ETV5: variants seen among roughly 807,000 people sequenced by gnomAD.
ETV5 encodes ETS variant transcription factor 5, also known as ETS translocation variant 5.
A neutral mutation model predicts 70.0 loss-of-function variants in ETV5; 10 were observed. The observed-to-expected ratio is 0.14, with a 90% CI of 0.09 to 0.24. The LOEUF (loss-of-function observed/expected upper bound fraction) is 0.24. Among genes scored for constraint, ETV5 ranks in the 10% least tolerant of loss-of-function variants. The pLI, the probability that ETV5 is intolerant of heterozygous loss-of-function variation, is 1.00. For synonymous variants in ETV5, 216 were observed against 242.2 expected, an observed-to-expected ratio of 0.89 and a Z score of 1.01; for missense variants, 453 against 651.2, an observed-to-expected ratio of 0.70 and a Z score of 3.31.
chr3:186,106,616 C>T (rs1560058474), intron 1 of ETV5, among the ~76,000 whole-genome samples: 1 of 152,140 alleles, frequency 6.6e-6, no homozygotes, highest in Non-Finnish European at 1.5e-5. Flanking sequence ...AGTAAAATGT[C>T]TATGAAAAGT....
Position 186,057,877 on chromosome 3 carries a change from G to A in ETV5, c.971-386C>T, listed in dbSNP as rs1488927346. Among the ~76,000 whole-genome samples the A allele has an allele frequency of 1.3e-5, 2 of 152,146 alleles. No individual in the cohort carries two copies. Among genetic ancestry groups the A allele is most frequent in the East Asian group, 1.9e-4 (1 of 5,192 alleles). Reference sequence around the variant, plus strand: ...GATGGATTTGGTTGATCTGTACACAGACCTGCCATTTTCCTTTTAGCTAAA... The same window carrying A: ...GATGGATTTGGTTGATCTGTACACAAACCTGCCATTTTCCTTTTAGCTAAA... On this transcript the variant is annotated intron_variant, in intron 9 of 12. Coordinates refer to ENST00000306376, the MANE Select transcript of ETV5 (RefSeq NM_004454.3). This position sits in a 1 kb window ranked among gnomAD's most constrained non-coding sequence, Gnocchi z 4.9.
rs1714558936 is a variant in ETV5, at chr3:186,105,205, T to TTAGAAGAAA, written c.232+99_232+100insTTTCTTCTA. ...AGAAGAAACTAAATGCATACTACTG[T>TTAGAAGAAA]CTAAATCTGGCCATAGCTGAAAAAA... On this transcript the variant is annotated intron_variant, in intron 5 of 12. Coordinates refer to ENST00000306376, the MANE Select transcript of ETV5 (RefSeq NM_004454.3). The surrounding 1 kb of genome is among the most constrained non-coding windows in gnomAD (Gnocchi z 4.5). The TTAGAAGAAA allele has an allele frequency of 2.1e-6, 2 of 955,488 alleles. No individual in the cohort carries two copies. Among genetic ancestry groups the TTAGAAGAAA allele is most frequent in the African/African-American group, 3.3e-5 (2 of 60,456 alleles). The allele number at this position is 955,488 out of a possible 1,614,324, so 59.2% of individuals were successfully genotyped here.
At chr3:186,099,425 C>T (rs1578561775) in intron 5 of ETV5, among the ~76,000 whole-genome samples, 2 of 152,238 alleles carry the variant, frequency 1.3e-5, no homozygotes, top group Non-Finnish European at 2.9e-5. Context: ...ACATGACAAG[C>T]CTCTGAGCTC....
intron 7 of ETV5, among the ~76,000 whole-genome samples, chr3:186,067,847 A>G (rs142470507): frequency 2.6e-5 from 4 of 152,300 alleles, no homozygotes; most frequent in Non-Finnish European, 4.4e-5. Flanking sequence ...CAGAAACAAA[A>G]CCAAAAGTAA....
At chr3:186,091,948 G>T (rs924918882) in intron 5 of ETV5, among the ~76,000 whole-genome samples, 10 of 152,196 alleles carry the variant, frequency 6.6e-5, no homozygotes, top group African/African-American at 2.4e-4. Context: ...GGAAGTGAGG[G>T]AAGGAGACAC....
chr3:186,075,308 G>C (rs547105169), intron 7 of ETV5, among the ~76,000 whole-genome samples: 2 of 152,310 alleles, frequency 1.3e-5, no homozygotes, highest in African/African-American at 2.4e-5. Context: ...GAGAAGAGAT[G>C]CATCAGGCAC....
chr3:186,068,227 A>G (rs1223241881), intron 7 of ETV5, among the ~76,000 whole-genome samples: 3 of 152,216 alleles, frequency 2.0e-5, no homozygotes, highest in Non-Finnish European at 4.4e-5. Context: ...ATTTGGTTGA[A>G]AGCAACCATT....
intron 9 of ETV5, among the ~76,000 whole-genome samples, chr3:186,059,642 G>A (rs1389549066): frequency 6.6e-6 from 1 of 152,128 alleles, no homozygotes; most frequent in Non-Finnish European, 1.5e-5. Flanking sequence ...ACATAAGTGT[G>A]TAATAAATGG....
intron 9 of ETV5, among the ~76,000 whole-genome samples, chr3:186,058,974 T>C (rs907194990): frequency 2.7e-5 from 4 of 150,120 alleles, no homozygotes; most frequent in Admixed American, 1.3e-4. Context: ...GATCACGCTA[T>C]TGTACTCCTG....
chr3:186,064,653 T>A, intron 8 of ETV5, 177 bp from the exon 9 acceptor site: 1 of 607,920 alleles, frequency 1.6e-6, no homozygotes, highest in African/African-American at 1.8e-5. Context: ...GCAAACACCA[T>A]AACCCACCAG....
rs535991849 is a variant in ETV5 at position 186,074,112 on chromosome 3, GAA to G, written c.650+5703_650+5704del. ...GACAATATTGTCTGCCAAGACTAAG[GAA>G]AAAAAAAGGTCTATATAAATAATAT... On this transcript the variant is annotated intron_variant, in intron 7 of 12. Transcript: ENST00000306376. Among the ~76,000 whole-genome samples the G allele has an allele frequency of 9.4e-4, 140 of 148,746 alleles. 2 individuals are homozygous for G. Among genetic ancestry groups the G allele is most frequent in the Admixed American group, 9.4e-4 (14 of 14,918 alleles).
Position 186,047,884 on chromosome 3 carries a change from T to A in ETV5, c.*755A>T, listed in dbSNP as rs1712919313. The A allele has an allele frequency of 4.3e-6, 1 of 233,286 alleles. No homozygotes were observed. The highest frequency in any genetic ancestry group is 8.5e-6 in the Non-Finnish European group (1 of 117,952). 14.5% of individuals were successfully genotyped at this position (233,286 alleles called of 1,614,324 possible). On this transcript the variant is annotated 3_prime_UTR_variant, in exon 13 of 13. Transcript: ENST00000306376. ...CAAAACAACCACCAAAACAAAACAATCCCCCAAATCAGGGCAAAACAAAAT... is the reference window on the plus strand; with the variant it reads ...CAAAACAACCACCAAAACAAAACAAACCCCCAAATCAGGGCAAAACAAAAT...
intron 6 of ETV5, chr3:186,080,824 T>C: frequency 2.6e-6 from 1 of 391,082 alleles, no homozygotes; most frequent in Non-Finnish European, 4.7e-6. Flanking sequence ...ATGAACTTAG[T>C]GCTCTGTAGA....
chr3:186,072,545 C>T (rs1330580309), intron 7 of ETV5, among the ~76,000 whole-genome samples: 2 of 152,148 alleles, frequency 1.3e-5, no homozygotes, highest in Non-Finnish European at 2.9e-5. Flanking sequence ...TGGCAATGTG[C>T]CAACTTCACA....
chr3:186,097,860 T>C (rs906285566), intron 5 of ETV5, among the ~76,000 whole-genome samples: 4 of 152,226 alleles, frequency 2.6e-5, no homozygotes, highest in African/African-American at 9.6e-5. Context: ...GTTGGTTGTT[T>C]TTCCACGGGC....
intron 5 of ETV5, among the ~76,000 whole-genome samples, chr3:186,082,975 A>G (rs1349860756): frequency 6.6e-6 from 1 of 152,260 alleles, no homozygotes. Context: ...AAATAAGTTG[A>G]GAACTAGCAG....
At position 186,105,418 on chromosome 3, in the gene ETV5, A is replaced by C. The variant is rs772425461; in HGVS notation, c.181+31T>G. 1.9e-6 allele frequency: 3 copies of C among 1,613,146 alleles called. No individual in the cohort carries two copies. The highest frequency in any genetic ancestry group is 2.5e-6 in the Non-Finnish European group (3 of 1,179,396). Reference sequence around the variant, plus strand: ...ATTAAAAAGCACAGTAAAATGTTTTATATGGAAAATAGGACATCCATGAAA... The same window carrying C: ...ATTAAAAAGCACAGTAAAATGTTTTCTATGGAAAATAGGACATCCATGAAA... On this transcript the variant is annotated intron_variant, in intron 4 of 12. Coordinates refer to ENST00000306376, the MANE Select transcript of ETV5 (RefSeq NM_004454.3). The surrounding 1 kb of genome is among the most constrained non-coding windows in gnomAD (Gnocchi z 4.5).
Position 186,078,533 on chromosome 3 carries a change from T to TA in ETV5, c.650+1283dup, listed in dbSNP as rs539512780. On this transcript the variant is annotated intron_variant, in intron 7 of 12. Coordinates refer to ENST00000306376, the MANE Select transcript of ETV5 (RefSeq NM_004454.3). ...TTTTAATTTGAATTAGTTGCCAACT[T>TA]AAAAAAAAAAGTCTACAATTTTTAC... Among the ~76,000 whole-genome samples the TA allele has an allele frequency of 3.3e-4, 49 of 148,608 alleles. 1 individual carries two copies. In the South Asian group the frequency reaches 9.0e-3, roughly 27 times the overall value.
rs184927934 is a variant in ETV5 at position 186,088,598 on chromosome 3, C to G, written c.233-7423G>C. On this transcript the variant is annotated intron_variant, in intron 5 of 12. Coordinates refer to ENST00000306376, the MANE Select transcript of ETV5 (RefSeq NM_004454.3). ...GACACCTGCCCATACTATTAATATT[C>G]TGTGGTTGTGGGAGTGAGTAGAACA... is the stretch of plus-strand genomic sequence containing the variant. Among the ~76,000 whole-genome samples the G allele has an allele frequency of 1.2e-4, 19 of 152,230 alleles. 1 individual carries two copies. In the South Asian group the frequency reaches 2.9e-3, roughly 23 times the overall value.
Sources: gnomAD v4.1 joint callset for allele counts (sites outside exome capture counted in the v4.1 genomes callset) on GRCh38, gnomAD v4.1.1 for gene constraint, Gnocchi (gnomAD v3.1) non-coding constraint, MANE v1.5 for transcripts, NCBI Gene and HGNC (gene_info 2026-07-23, HGNC 2026-07-21) for gene names.